NFU1: variants seen among roughly 807,000 people sequenced by gnomAD.
NFU1 encodes the protein NFU1 iron-sulfur cluster scaffold homolog, mitochondrial.
A neutral mutation model predicts 32.2 loss-of-function variants in NFU1; 30 were observed. The observed-to-expected ratio is 0.93, with a 90% CI of 0.70 to 1.26. NFU1 has a LOEUF of 1.26. Ranked by LOEUF, NFU1 falls within the 50% of genes most tolerant of loss-of-function variation. NFU1 has a pLI of 0.00. For missense variants in NFU1, 306 were observed against 306.6 expected (o/e 1.00, Z 0.02); for synonymous variants, 112 against 104.6 (o/e 1.07, Z -0.43).
At chr2:69,431,181 C>T (rs890464937) in intron 2 of NFU1, among the ~76,000 whole-genome samples, 9 of 152,008 alleles carry the variant, frequency 5.9e-5, no homozygotes, top group African/African-American at 1.9e-4. Flanking sequence ...TTTTTTACTA[C>T]ATTCAAAATC....
chr2:69,437,432 G>C lies in NFU1; in HGVS notation c.-10C>G, dbSNP rs955289753. On this transcript the variant is annotated 5_prime_UTR_variant, in exon 1 of 8. Transcript: ENST00000410022. ...TGGCCGTCGCCGCCATCTTAGTCCG[G>C]AGTGCCTAAGGGTCTCCCTGACAGA... 2.5e-6 allele frequency: 4 copies of C among 1,610,336 alleles called. No homozygotes were observed. Among genetic ancestry groups the C allele is most frequent in the East Asian group, 2.2e-5 (1 of 44,848 alleles).
At chr2:69,404,604 T>TATC (rs1235641819) in intron 6 of NFU1, among the ~76,000 whole-genome samples, 11 of 145,502 alleles carry the variant, frequency 7.6e-5, no homozygotes, top group African/African-American at 2.6e-4. Flanking sequence ...TAATAACTAC[T>TATC]ATCTTAGCAA....
At chr2:69,439,516 G>A (rs779048984), upstream of NFU1, among the ~76,000 whole-genome samples, 6 of 152,206 alleles carry the variant, frequency 3.9e-5, no homozygotes, top group Non-Finnish European at 8.8e-5. Context: ...TTACTACAAA[G>A]AGCAAAAGAA....
upstream of NFU1, chr2:69,437,502 G>A (rs1366822005): frequency 2.6e-6 from 4 of 1,537,060 alleles, no homozygotes; most frequent in South Asian, 3.5e-5. Flanking sequence ...GTAGCTGGGC[G>A]GGCACTGGGA....
At position 69,423,590 on chromosome 2, in the gene NFU1, A is replaced by AG; in HGVS notation, c.293dup (p.Leu99SerfsTer3). 1 of 1,613,582 alleles carries AG rather than the reference A, an allele frequency of 6.2e-7. No individual in the cohort carries two copies. The highest frequency in any genetic ancestry group is 8.5e-7 in the Non-Finnish European group (1 of 1,179,892). The stretch of plus-strand genomic sequence containing the variant: ...TGAAAACAGTAATATACCTAGCCAG[A>AG]GGGGAGCGAAATGCTGCAGCTGGGG... On this transcript the variant is annotated frameshift_variant, in exon 3 of 8. Transcript: ENST00000410022. LOFTEE classifies it high-confidence loss of function.
intron 2 of NFU1, among the ~76,000 whole-genome samples, chr2:69,431,644 ATTTATTGAGCAACTC>A (rs1673641421): frequency 6.6e-6 from 1 of 152,316 alleles, no homozygotes; most frequent in Admixed American, 6.5e-5. Flanking sequence ...TTTGGAAATC[ATTTATTGAGCAACTC>A]TTGTGTTGCA....
At chr2:69,406,709 C>T (rs777325585) in intron 5 of NFU1, among the ~76,000 whole-genome samples, 1 of 152,022 alleles carries the variant, frequency 6.6e-6, no homozygotes, top group Non-Finnish European at 1.5e-5. Flanking sequence ...TAGTTTGGGA[C>T]CACAGGTGTG....
chr2:69,406,101 A>G lies in NFU1; in HGVS notation c.485-19T>C. 1.4e-6 allele frequency: 2 copies of G among 1,480,100 alleles called. No individual in the cohort carries two copies. Among genetic ancestry groups the G allele is most frequent in the Non-Finnish European group, 1.9e-6 (2 of 1,060,656 alleles). 91.7% of individuals were successfully genotyped at this position (1,480,100 alleles called of 1,614,324 possible). On this transcript the variant is annotated intron_variant, in intron 5 of 7. Coordinates refer to ENST00000410022, the MANE Select transcript of NFU1 (RefSeq NM_001002755.4). ...TCAGATCCTAGAAATAATTACATAT[A>G]AAAACATCAAGAGTAGAAATTTTAT... is the stretch of plus-strand genomic sequence containing the variant.
rs112192680 is a variant in NFU1, at chr2:69,433,529, G to A, written c.63-1524C>T. Among the ~76,000 whole-genome samples, 538 of 151,886 alleles carry A rather than the reference G, an allele frequency of 3.5e-3. 4 individuals carry two copies. The highest frequency in any genetic ancestry group is 0.013 in the African/African-American group (519 of 41,392). On this transcript the variant is annotated intron_variant, in intron 1 of 7. Transcript: ENST00000410022. ...CTCACTTTGTCGCCCACGCTGGAGTGCAGTGATGCGATCCCAGCTTACTGC... is the reference window on the plus strand; with the variant it reads ...CTCACTTTGTCGCCCACGCTGGAGTACAGTGATGCGATCCCAGCTTACTGC...
chr2:69,420,503 G>A (rs1381889478), intron 3 of NFU1, among the ~76,000 whole-genome samples: 1 of 152,086 alleles, frequency 6.6e-6, no homozygotes, highest in Non-Finnish European at 1.5e-5. Context: ...ACCAAATCCT[G>A]TTATCAGTTT....
At chr2:69,412,951 T>G (rs1247721759) in intron 5 of NFU1, among the ~76,000 whole-genome samples, 1 of 148,960 alleles carries the variant, frequency 6.7e-6, no homozygotes, top group African/African-American at 2.5e-5. Context: ...AAATGGCCAA[T>G]AAACATATGA....
chr2:69,437,708 G>C (rs867081005), upstream of NFU1: 1 of 552,054 alleles, frequency 1.8e-6, no homozygotes, highest in Admixed American at 3.0e-5. Context: ...CTGTTGGCTA[G>C]GTTTTTAGCT....
chr2:69,413,547 G>C (rs1430285245), intron 5 of NFU1, among the ~76,000 whole-genome samples: 2 of 152,184 alleles, frequency 1.3e-5, no homozygotes, highest in African/African-American at 4.8e-5. Context: ...ATCCACTTGA[G>C]GTCAGGAGTT....
chr2:69,415,796 G>A (rs1436022865), intron 4 of NFU1, among the ~76,000 whole-genome samples: 1 of 152,042 alleles, frequency 6.6e-6, no homozygotes, highest in Non-Finnish European at 1.5e-5. Flanking sequence ...AGGGATTACA[G>A]GCGTGAGCCA....
intron 7 of NFU1, among the ~76,000 whole-genome samples, chr2:69,397,446 C>T (rs7562773): frequency 0.44 from 67,308 of 151,836 alleles, 15,225 homozygotes; most frequent in African/African-American, 0.52. Context: ...TTTCTCCTCA[C>T]CACACCTACT....
rs757520389 is a variant in NFU1, at chr2:69,415,210, A to G, written c.459T>C (p.Thr153=). Reference sequence around the variant, plus strand: ...CTGCTTCTCCTGAAGGTGTTTCCTCAGTAACCAGGGGTAAGCCAGATGCAA... The same window carrying G: ...CTGCTTCTCCTGAAGGTGTTTCCTCGGTAACCAGGGGTAAGCCAGATGCAA... ...DFFASGLPLV[T]EETPSGEAGS... is the part of the protein sequence containing the mutation. The change falls in exon 5 of 8, where the codon ACT becomes ACC. Residue 153 remains threonine (T), a synonymous_variant. Transcript: ENST00000410022. The G allele has an allele frequency of 4.3e-6, 7 of 1,609,222 alleles. No individual in the cohort carries two copies. In the South Asian group the frequency reaches 6.6e-5, roughly 15 times the overall value.
intron 6 of NFU1, among the ~76,000 whole-genome samples, chr2:69,404,053 TG>T (rs1672613167): frequency 6.6e-6 from 1 of 150,444 alleles, no homozygotes; most frequent in African/African-American, 2.4e-5. Context: ...TTAGCCAGGA[TG>T]GTCTCAATCT....
intron 1 of NFU1, 42 bp downstream of exon 1, chr2:69,437,319 C>G: frequency 6.3e-7 from 1 of 1,586,572 alleles, no homozygotes; most frequent in East Asian, 2.3e-5. Flanking sequence ...GCTGGCTAAG[C>G]CCAGCGGCAC....
chr2:69,434,483 A>G (rs912502638), intron 1 of NFU1, among the ~76,000 whole-genome samples: 18 of 152,296 alleles, frequency 1.2e-4, no homozygotes, highest in Non-Finnish European at 2.2e-4. Flanking sequence ...TTAATTGGCT[A>G]TTTTTTATGG....
Sources: gnomAD v4.1 joint callset for allele counts (sites outside exome capture counted in the v4.1 genomes callset) on GRCh38, gnomAD v4.1.1 for gene constraint, MANE v1.5 for transcripts, NCBI Gene and HGNC (gene_info 2026-07-23, HGNC 2026-07-21) for gene names.